The following ADGRL3 variants were observed in gnomAD, a reference collection of about 807,000 sequenced individuals.
ADGRL3 encodes the protein adhesion G protein-coupled receptor L3.
Under a neutral mutation model 153.5 loss-of-function variants are expected in ADGRL3, and 62 were observed. That is an observed-to-expected ratio of 0.40 (90% CI 0.33 to 0.50). The LOEUF is 0.50. Ranked by LOEUF, ADGRL3 falls within the 20% of genes least tolerant of loss-of-function variation. ADGRL3 has a pLI of 0.47. For missense variants in ADGRL3, 1,641 were observed against 1,859.4 expected (o/e 0.88, Z 2.16); for synonymous variants, 710 against 672.5 (o/e 1.06, Z -0.86).
chr4:61,696,619 C>T (rs1421462694), intron 6 of ADGRL3, among the ~76,000 whole-genome samples: 4 of 148,062 alleles, frequency 2.7e-5, no homozygotes, highest in Non-Finnish European at 5.9e-5. Flanking sequence ...TACTGAATGC[C>T]TTCTATATGT....
At chr4:61,739,615 T>C (rs554851998) in intron 8 of ADGRL3, among the ~76,000 whole-genome samples, 1 of 152,168 alleles carries the variant, frequency 6.6e-6, no homozygotes, top group Admixed American at 6.5e-5. Flanking sequence ...TGAATAGGAG[T>C]ATAATTTCTA....
intron 13 of ADGRL3, among the ~76,000 whole-genome samples, chr4:61,923,351 A>G (rs1439307964): frequency 6.6e-6 from 1 of 152,034 alleles, no homozygotes; most frequent in Non-Finnish European, 1.5e-5. Flanking sequence ...CTGTTAATCC[A>G]TTCCACCTAC....
chr4:61,807,828 G>A (rs78858538), intron 8 of ADGRL3, among the ~76,000 whole-genome samples: 13,540 of 152,230 alleles, frequency 0.089, 695 homozygotes, highest in Middle Eastern at 0.15. Context: ...ATAGGAAGAA[G>A]GAGATGAAAT....
At chr4:61,515,308 A>C (rs2098486326) in intron 3 of ADGRL3, among the ~76,000 whole-genome samples, 1 of 152,176 alleles carries the variant, frequency 6.6e-6, no homozygotes, top group Non-Finnish European at 1.5e-5. Context: ...ATGATTAATG[A>C]CTTTAAATCT....
In ADGRL3 at chr4:61,946,928, G is replaced by A. The variant is rs1393932469; in HGVS notation, c.2434G>A (p.Ala812Thr). The A allele has an allele frequency of 6.2e-7, 1 of 1,613,632 alleles. No individual in the cohort carries two copies. The highest frequency in any genetic ancestry group is 8.5e-7 in the Non-Finnish European group (1 of 1,179,646). The part of the protein sequence containing the change: ...QNGRNGEIRV[A>T]FVLYNNLGPY... ...ATTTACTTTAGGAGAGATCAGAGTGGCCTTTGTCCTGTATAACAACTTGGG... is the reference window on the plus strand; with the variant it reads ...ATTTACTTTAGGAGAGATCAGAGTGACCTTTGTCCTGTATAACAACTTGGG... Residue 812 changes from alanine to threonine, a missense_variant, in exon 16 of 27, where the codon GCC becomes ACC. Physicochemically the swap from Ala to Thr is moderately conservative, Grantham distance 58. Coordinates refer to ENST00000683033, the MANE Select transcript of ADGRL3 (RefSeq NM_001387552.1).
At chr4:61,443,616 T>C (rs987389237) in intron 2 of ADGRL3, among the ~76,000 whole-genome samples, 3 of 152,172 alleles carry the variant, frequency 2.0e-5, no homozygotes, top group Non-Finnish European at 4.4e-5. Context: ...GTATACTTCA[T>C]GTGTTTATGT....
At chr4:61,464,417 C>T in intron 2 of ADGRL3, among the ~76,000 whole-genome samples, 1 of 152,158 alleles carries the variant, frequency 6.6e-6, no homozygotes, top group East Asian at 1.9e-4. Context: ...CATGCTAAAT[C>T]AGGCTCCCTC....
chr4:61,521,592 T>G (rs1436074218), intron 4 of ADGRL3, among the ~76,000 whole-genome samples: 1 of 152,142 alleles, frequency 6.6e-6, no homozygotes, highest in Non-Finnish European at 1.5e-5. Flanking sequence ...TCTGTTCTAT[T>G]GGTGGGTCTG....
intron 9 of ADGRL3, among the ~76,000 whole-genome samples, chr4:61,846,962 G>A (rs77168495): frequency 6.6e-6 from 1 of 150,718 alleles, no homozygotes; most frequent in Admixed American, 6.6e-5. Context: ...GTGTGTGTGT[G>A]TGTGTGTGTA....
At chr4:61,932,335 A>G (rs947374938) in intron 13 of ADGRL3, among the ~76,000 whole-genome samples, 1 of 152,068 alleles carries the variant, frequency 6.6e-6, no homozygotes, top group Admixed American at 6.6e-5. Flanking sequence ...CATGGCCTTT[A>G]TCATGTTGAA....
At chr4:61,826,359 G>T (rs147039369) in intron 9 of ADGRL3, among the ~76,000 whole-genome samples, 1 of 152,120 alleles carries the variant, frequency 6.6e-6, no homozygotes, top group Non-Finnish European at 1.5e-5. Flanking sequence ...ACTAAGTAAG[G>T]CCTCCTATTT....
chr4:62,056,125 A>T (rs1736869774), intron 25 of ADGRL3, among the ~76,000 whole-genome samples: 2 of 151,712 alleles, frequency 1.3e-5, no homozygotes, highest in Non-Finnish European at 3.0e-5. Flanking sequence ...TGTGACCTTG[A>T]ATAAATTATA....
chr4:62,024,541 T>C (rs939611525), intron 21 of ADGRL3, among the ~76,000 whole-genome samples: 14 of 152,172 alleles, frequency 9.2e-5, no homozygotes, highest in African/African-American at 3.4e-4. Context: ...TATGTGACTT[T>C]CATGTTTTTG....
At chr4:61,382,287 G>A (rs1185523329) in intron 1 of ADGRL3, among the ~76,000 whole-genome samples, 1 of 151,116 alleles carries the variant, frequency 6.6e-6, no homozygotes, top group Non-Finnish European at 1.5e-5. Flanking sequence ...AAAGAGCTTT[G>A]TGTAAAGCTC....
At chr4:61,303,014 C>T (rs936088899) in intron 1 of ADGRL3, among the ~76,000 whole-genome samples, 23 of 152,172 alleles carry the variant, frequency 1.5e-4, no homozygotes, top group Middle Eastern at 3.4e-3. Flanking sequence ...TCACAAAAGA[C>T]GACAGTATAC....
At chr4:62,008,501 C>A (rs2099169576) in intron 21 of ADGRL3, among the ~76,000 whole-genome samples, 1 of 152,000 alleles carries the variant, frequency 6.6e-6, no homozygotes, top group Admixed American at 6.6e-5. Flanking sequence ...TAGATGTTTT[C>A]TTTTAAAGTA....
At chr4:61,959,416 G>A (rs2098979684) in intron 17 of ADGRL3, among the ~76,000 whole-genome samples, 1 of 152,122 alleles carries the variant, frequency 6.6e-6, no homozygotes, top group South Asian at 2.1e-4. Flanking sequence ...ATCTTTAAAA[G>A]ACTTCACTTT....
At chr4:61,203,010 G>T (rs1465169275) in intron 1 of ADGRL3, among the ~76,000 whole-genome samples, 1 of 152,224 alleles carries the variant, frequency 6.6e-6, no homozygotes, top group Admixed American at 6.5e-5. Context: ...AAACCTTGCC[G>T]TGTCCCCTTC....
At chr4:62,023,469 A>G (rs1464466364) in intron 21 of ADGRL3, among the ~76,000 whole-genome samples, 3 of 152,152 alleles carry the variant, frequency 2.0e-5, no homozygotes, top group Admixed American at 1.3e-4. Flanking sequence ...CAGTTTTGAA[A>G]GAAGTTCTAT....
Sources: allele counts gnomAD v4.1 joint callset (sites outside exome capture counted in the v4.1 genomes callset), GRCh38; gene constraint gnomAD v4.1.1; transcripts MANE v1.5; gene names NCBI Gene and HGNC (gene_info 2026-07-23, HGNC 2026-07-21).